Variants in MCM3 observed in about 807,000 individuals in gnomAD.
The protein encoded by MCM3 is DNA replication licensing factor MCM3.
Under a neutral mutation model 91.3 loss-of-function variants are expected in MCM3, and 59 were observed. That is an observed-to-expected ratio of 0.65 (90% CI 0.52 to 0.80). The LOEUF is 0.80. Ranked by LOEUF, MCM3 falls within the 30% of genes least tolerant of loss-of-function variation. The pLI is 0.00. For synonymous variants in MCM3, 383 were observed against 379.6 expected, an observed-to-expected ratio of 1.01 and a Z score of -0.10; for missense variants, 919 against 1,035.4, an observed-to-expected ratio of 0.89 and a Z score of 1.54.
intron 12 of MCM3, among the ~76,000 whole-genome samples, chr6:52,270,079 ACTTTGGG>A (rs1383930499): frequency 6.6e-6 from 1 of 152,206 alleles, no homozygotes; most frequent in African/African-American, 2.4e-5. Context: ...TAATCCTAGC[ACTTTGGG>A]AGGCCAAGGC....
intron 4 of MCM3, 102 bp from the exon 5 acceptor site, chr6:52,279,701 A>T (rs1765911585): frequency 2.2e-5 from 20 of 908,040 alleles, no homozygotes; most frequent in Non-Finnish European, 2.9e-5. Flanking sequence ...AAATTTTATT[A>T]TTCAGTAACA....
chr6:52,283,592 G>A (rs970038470), intron 1 of MCM3, among the ~76,000 whole-genome samples, 186 bp from the exon 2 acceptor site: 4 of 152,216 alleles, frequency 2.6e-5, no homozygotes, highest in Non-Finnish European at 4.4e-5. Flanking sequence ...CACCCTAAGA[G>A]GGGACTATAA....
intron 16 of MCM3, chr6:52,265,238 G>A: frequency 2.5e-6 from 1 of 406,532 alleles, no homozygotes; most frequent in Non-Finnish European, 5.0e-6. Context: ...TCCATACCAT[G>A]GAAACCCTGC....
chr6:52,266,523 T>C, intron 15 of MCM3, 88 bp downstream of exon 15: 1 of 1,200,138 alleles, frequency 8.3e-7, no homozygotes, highest in East Asian at 2.3e-5. Context: ...CAAACAGGAG[T>C]CCACAAGAAA....
rs200034318 is a variant in MCM3, at chr6:52,277,201, G to A, written c.1034-3C>T. On this transcript the variant is annotated splice_polypyrimidine_tract_variant and splice_region_variant and intron_variant, in intron 7 of 16. Transcript: ENST00000596288. ...AGACTTGGCAACGGATGGGTCTCCT[G>A]TAGGGTGGGGGCAGTGATGACTCTC... 55 of 1,611,884 alleles carry A rather than the reference G, an allele frequency of 3.4e-5. No individual in the cohort carries two copies. Among genetic ancestry groups the A allele is most frequent in the Admixed American group, 1.0e-4 (6 of 59,982 alleles).
At chr6:52,280,736 G>A (rs539594224) in intron 4 of MCM3, among the ~76,000 whole-genome samples, 62 of 152,340 alleles carry the variant, frequency 4.1e-4, no homozygotes, top group African/African-American at 1.3e-3. Context: ...CTTAAGGTCC[G>A]AAGAAGACAA....
chr6:52,267,714 G>A lies in MCM3; in HGVS notation c.2072+151C>T, dbSNP rs1197503341. ...AGCTAATTTTTCTATTTTTTGTAGAGACAGTTTTGCCATATTTCCCAGGCT... is the reference window on the plus strand; with the variant it reads ...AGCTAATTTTTCTATTTTTTGTAGAAACAGTTTTGCCATATTTCCCAGGCT... On this transcript the variant is annotated intron_variant, in intron 14 of 16. Transcript: ENST00000596288. The A allele has an allele frequency of 6.4e-6, 4 of 627,344 alleles. 1 individual carries two copies. In the Middle Eastern group the frequency reaches 1.0e-3, roughly 164 times the overall value. The allele number at this position is 627,344 out of a possible 1,614,324, so 38.9% of individuals were successfully genotyped here.
chr6:52,282,589 C>G lies in MCM3; in HGVS notation c.400+64G>C, dbSNP rs1045697561. The G allele has an allele frequency of 1.6e-4, 249 of 1,511,920 alleles. 1 individual carries two copies. The highest frequency in any genetic ancestry group is 2.4e-4 in the Middle Eastern group (1 of 4,228). The allele number at this position is 1,511,920 out of a possible 1,614,324, so 93.7% of individuals were successfully genotyped here. ...CACAAGCTACCCAGATCTACTTTGC[C>G]TCTCCTGCTTTCCCCATCTCCCTGT... On this transcript the variant is annotated intron_variant, in intron 3 of 16. Transcript: ENST00000596288.
At chr6:52,284,049 A>G (rs1373655767) in intron 1 of MCM3, among the ~76,000 whole-genome samples, 1 of 152,212 alleles carries the variant, frequency 6.6e-6, no homozygotes, top group Non-Finnish European at 1.5e-5. Flanking sequence ...ACCCTTCAAG[A>G]TGGTTTTTTC....
chr6:52,264,833 T>C, intron 16 of MCM3, 47 bp from the exon 17 acceptor site: 1 of 1,538,658 alleles, frequency 6.5e-7, no homozygotes, highest in Non-Finnish European at 9.0e-7. Flanking sequence ...CAAACCCAAA[T>C]GCTCTCAGGA....
At chr6:52,277,325 G>A in intron 7 of MCM3, 127 bp from the exon 8 acceptor site, 10 of 1,095,726 alleles carry the variant, frequency 9.1e-6, no homozygotes, top group Non-Finnish European at 9.0e-6. Flanking sequence ...TTTTTCCTTC[G>A]CTTTTCCCTT....
rs528244103 is a variant in MCM3, at chr6:52,276,172, T to G, written c.1374+96A>C. On this transcript the variant is annotated intron_variant, in intron 9 of 16. Coordinates refer to ENST00000596288, the MANE Select transcript of MCM3 (RefSeq NM_002388.6). Reference sequence around the variant, plus strand: ...GCCTTACTTTTAGTCTTTGGCCTATTATTCCCCTGGGTCACCTAGAATACA... The same window carrying G: ...GCCTTACTTTTAGTCTTTGGCCTATGATTCCCCTGGGTCACCTAGAATACA... The G allele has an allele frequency of 6.1e-6, 7 of 1,146,938 alleles. No homozygotes were observed. The African/African-American group carries it at 1.1e-4, about 18-fold the overall frequency. The allele number at this position is 1,146,938 out of a possible 1,614,324, so 71.0% of individuals were successfully genotyped here.
intron 7 of MCM3, 96 bp from the exon 8 acceptor site, chr6:52,277,294 C>T (rs2307325): frequency 0.62 from 814,530 of 1,317,434 alleles, 253,837 homozygotes; most frequent in South Asian, 0.71. Context: ...AACAGAGTCA[C>T]ACAGTAAGTG....
At chr6:52,268,048 GCAT>G in intron 13 of MCM3, 80 bp from the exon 14 acceptor site, 1 of 1,600,968 alleles carries the variant, frequency 6.2e-7, no homozygotes, top group Middle Eastern at 1.7e-4. Context: ...AGTCCCTTCT[GCAT>G]CATAAGCAGG....
At chr6:52,280,268 A>G (rs1020415110) in intron 4 of MCM3, among the ~76,000 whole-genome samples, 1 of 152,218 alleles carries the variant, frequency 6.6e-6, no homozygotes, top group Admixed American at 6.6e-5. Flanking sequence ...AGGTGTACTC[A>G]GCTTGTAAAA....
intron 6 of MCM3, 91 bp from the exon 7 acceptor site, chr6:52,277,779 T>C: frequency 1.6e-6 from 2 of 1,244,976 alleles, no homozygotes; most frequent in Non-Finnish European, 1.1e-6. Flanking sequence ...TAGAAAATAC[T>C]TGAAGAGGGC....
chr6:52,267,194 G>A (rs915286148), intron 14 of MCM3, among the ~76,000 whole-genome samples: 2 of 147,890 alleles, frequency 1.4e-5, no homozygotes, highest in East Asian at 4.0e-4. Flanking sequence ...TGCCTCCTGG[G>A]TTCACGCCAT....
intron 4 of MCM3, among the ~76,000 whole-genome samples, chr6:52,280,652 G>T (rs576753244): frequency 6.6e-6 from 1 of 152,238 alleles, no homozygotes; most frequent in Non-Finnish European, 1.5e-5. Flanking sequence ...AAGTAAAGAA[G>T]CTTGGCCACA....
Position 52,269,067 on chromosome 6 carries a change from C to T in MCM3, c.1968+19G>A, listed in dbSNP as rs1764877971. On this transcript the variant is annotated intron_variant, in intron 13 of 16. Transcript: ENST00000596288. ...TATATCCAGGAGATCCTCTCATGCC[C>T]AGGCATCTGAATCCTCACCTTCTTA... 1 of 1,604,400 alleles carries T rather than the reference C, an allele frequency of 6.2e-7. No individual in the cohort carries two copies. Among genetic ancestry groups the T allele is most frequent in the African/African-American group, 1.3e-5 (1 of 74,788 alleles).
Sources: gnomAD v4.1 joint callset for allele counts (sites outside exome capture counted in the v4.1 genomes callset) on GRCh38, gnomAD v4.1.1 for gene constraint, MANE v1.5 for transcripts, NCBI Gene and HGNC (gene_info 2026-07-23, HGNC 2026-07-21) for gene names.